The following ZFR2 variants were observed in gnomAD, a reference collection of about 807,000 sequenced individuals.
ZFR2 encodes the protein zinc finger RNA-binding protein 2.
In ZFR2, 104 loss-of-function variants were observed where a neutral mutation model predicts 105.7. The ratio of observed to expected loss-of-function variants is 0.98; its 90% CI spans 0.84 to 1.16. ZFR2 has a LOEUF of 1.16. ZFR2 is among the 50% of genes most tolerant of loss of function. The pLI is 0.00. For missense variants in ZFR2, 1,425 were observed against 1,355.5 expected (o/e 1.05, Z -0.80); for synonymous variants, 634 against 597.7 (o/e 1.06, Z -0.89).
At position 3,831,749 on chromosome 19, in the gene ZFR2, G is replaced by A. The variant is rs201894571; in HGVS notation, c.509C>T (p.Thr170Met). 8.1e-6 allele frequency: 13 copies of A among 1,607,392 alleles called. No homozygotes were observed. The highest frequency in any genetic ancestry group is 3.6e-4 in the Middle Eastern group (2 of 5,556). The change falls in exon 4 of 19, where the codon ACG becomes ATG. Residue 170 changes from threonine (T) to methionine (M), a missense_variant. Coordinates refer to ENST00000262961, the MANE Select transcript of ZFR2 (RefSeq NM_015174.2). ...CGACTCGGGCTGGACGCCTGTCGCC[G>A]TGGGGTAGGTGTATCCCGAGGACAA... ...STLSSGYTYP[T>M]ATGVQPESSA... is the part of the protein sequence containing the mutation.
At chr19:3,862,182 C>T (rs1855321322) in intron 1 of ZFR2, among the ~76,000 whole-genome samples, 1 of 151,904 alleles carries the variant, frequency 6.6e-6, no homozygotes, top group Admixed American at 6.6e-5. Context: ...GTTGGTAGAC[C>T]CACACAAGAG....
chr19:3,833,500 T>C (rs1599238386), intron 3 of ZFR2, 164 bp downstream of exon 3: 4 of 544,112 alleles, frequency 7.4e-6, no homozygotes, highest in East Asian at 3.2e-5. Flanking sequence ...GGCTTTAACC[T>C]GGGAGGCGAA....
Position 3,821,405 on chromosome 19 carries a change from C to G in ZFR2, c.1566G>C (p.Met522Ile). ...CCTCCGCCAGGTGCCGCTGCTTCCTCATGCGCTCCTCCAGGACCTTCCGAG... is the reference window on the plus strand; with the variant it reads ...CCTCCGCCAGGTGCCGCTGCTTCCTGATGCGCTCCTCCAGGACCTTCCGAG... ...SRARKVLEER[M>I]RKQRHLAEER... is the part of the protein sequence containing the mutation. Residue 522 changes from methionine to isoleucine, a missense_variant, in exon 10 of 19, where the codon ATG becomes ATC. Physicochemically the swap from Met to Ile is conservative, Grantham distance 10. Transcript: ENST00000262961. 1 of 1,611,952 alleles carries G rather than the reference C, an allele frequency of 6.2e-7. No individual in the cohort carries two copies. The highest frequency in any genetic ancestry group is 8.5e-7 in the Non-Finnish European group (1 of 1,179,444).
intron 1 of ZFR2, among the ~76,000 whole-genome samples, chr19:3,854,404 G>C (rs2038274953): frequency 6.6e-6 from 1 of 151,714 alleles, no homozygotes. Flanking sequence ...AAAAAGTCTT[G>C]TTCTTTCTAG....
intron 7 of ZFR2, among the ~76,000 whole-genome samples, chr19:3,824,290 ACT>A (rs1262662538): frequency 2.6e-5 from 4 of 152,036 alleles, no homozygotes; most frequent in African/African-American, 9.7e-5. Flanking sequence ...ACACAGTGAG[ACT>A]CTGTCTCAAA....
chr19:3,831,314 C>T lies in ZFR2; in HGVS notation c.841G>A (p.Ala281Thr), dbSNP rs369702962. 4 of 1,539,076 alleles carry T rather than the reference C, an allele frequency of 2.6e-6. No individual in the cohort carries two copies. Among genetic ancestry groups the T allele is most frequent in the South Asian group, 1.2e-5 (1 of 82,470 alleles). ...HYCDICKISC[A>T]GPQTYREHLG... ...GGAGGGCGACTGACCTGGGGGCCAGCGCAGCTGATCTTGCAGATGTCGCAG... is the reference window on the plus strand; with the variant it reads ...GGAGGGCGACTGACCTGGGGGCCAGTGCAGCTGATCTTGCAGATGTCGCAG... Residue 281 changes from alanine to threonine, a missense_variant, in exon 5 of 19, where the codon GCT becomes ACT. Coordinates refer to ENST00000262961, the MANE Select transcript of ZFR2 (RefSeq NM_015174.2).
At chr19:3,844,912 A>G (rs894998485) in intron 1 of ZFR2, among the ~76,000 whole-genome samples, 2 of 152,164 alleles carry the variant, frequency 1.3e-5, no homozygotes, top group Admixed American at 6.5e-5. Flanking sequence ...TGTGCTCTGC[A>G]GTTTCCAGGC....
At chr19:3,845,052 A>T (rs1434965476) in intron 1 of ZFR2, among the ~76,000 whole-genome samples, 2 of 152,156 alleles carry the variant, frequency 1.3e-5, no homozygotes, top group Non-Finnish European at 2.9e-5. Context: ...TCCTAGATCC[A>T]GGTGTCAGCA....
Position 3,812,952 on chromosome 19 carries a change from A to G in ZFR2, c.2242+868T>C, listed in dbSNP as rs189724268. On this transcript the variant is annotated intron_variant, in intron 14 of 18. Transcript: ENST00000262961. ...AAAAATTAACTGGGTATAGTGGCGCACACCTGTAGTCCCAGCTACTCGGAG... is the reference window on the plus strand; with the variant it reads ...AAAAATTAACTGGGTATAGTGGCGCGCACCTGTAGTCCCAGCTACTCGGAG... Among the ~76,000 whole-genome samples, 77 of 152,232 alleles carry G rather than the reference A, an allele frequency of 5.1e-4. 1 individual carries two copies. Among genetic ancestry groups the G allele is most frequent in the Non-Finnish European group, 2.9e-5 (2 of 68,006 alleles).
chr19:3,819,346 G>T, intron 11 of ZFR2, 111 bp from the exon 12 acceptor site: 1 of 1,164,670 alleles, frequency 8.6e-7, no homozygotes. Flanking sequence ...TTACGAGGCG[G>T]CAGCGTGGCC....
chr19:3,861,139 C>A (rs1012419145), intron 1 of ZFR2, among the ~76,000 whole-genome samples: 1 of 152,128 alleles, frequency 6.6e-6, no homozygotes, highest in Non-Finnish European at 1.5e-5. Flanking sequence ...CAGAGCCATG[C>A]CGCCTCTCCA....
At chr19:3,846,240 G>T (rs1412792664) in intron 1 of ZFR2, among the ~76,000 whole-genome samples, 1 of 152,252 alleles carries the variant, frequency 6.6e-6, no homozygotes, top group Non-Finnish European at 1.5e-5. Context: ...GCCTCCCACA[G>T]TGCTGGGATT....
chr19:3,854,004 A>C (rs908109014), intron 1 of ZFR2, among the ~76,000 whole-genome samples: 1 of 152,034 alleles, frequency 6.6e-6, no homozygotes, highest in South Asian at 2.1e-4. Context: ...GGATTGCTTA[A>C]GCCCTGGAGT....
chr19:3,855,700 G>C (rs994951592), intron 1 of ZFR2: 2 of 364,154 alleles, frequency 5.5e-6, no homozygotes, highest in African/African-American at 4.2e-5. Flanking sequence ...GGCGGGCCTG[G>C]TGGGTGAGGA....
At chr19:3,863,093 G>A (rs2038390697) in intron 1 of ZFR2, among the ~76,000 whole-genome samples, 1 of 152,236 alleles carries the variant, frequency 6.6e-6, no homozygotes, top group Admixed American at 6.5e-5. Flanking sequence ...CAAAGGACGG[G>A]GTTGGCCTTG....
intron 1 of ZFR2, chr19:3,852,523 T>C: frequency 1.4e-6 from 1 of 718,590 alleles, no homozygotes; most frequent in South Asian, 1.5e-5. Context: ...CACAGGGCAG[T>C]CACAGCGTCA....
chr19:3,807,325 G>A (rs867326904), intron 17 of ZFR2, 56 bp from the exon 18 acceptor site: 26 of 1,354,892 alleles, frequency 1.9e-5, no homozygotes, highest in African/African-American at 5.8e-5. Context: ...CGTGAAAGAC[G>A]GTGACAGGGC....
chr19:3,837,028 C>T (rs979469319), intron 1 of ZFR2, among the ~76,000 whole-genome samples: 3 of 152,226 alleles, frequency 2.0e-5, no homozygotes, highest in Non-Finnish European at 4.4e-5. Flanking sequence ...CACCTGGCCC[C>T]CAACCGGGCC....
rs370436496 is a variant in ZFR2 at position 3,863,044 on chromosome 19, G to A, written c.53+5921C>T. Among the ~76,000 whole-genome samples, 177 of 152,304 alleles carry A rather than the reference G, an allele frequency of 1.2e-3. 6 individuals are homozygous for A. The South Asian group carries it at 0.034, about 29-fold the overall frequency. On this transcript the variant is annotated intron_variant, in intron 1 of 18. Transcript: ENST00000262961. ...CCCTGGCCCCCAAGGTGGCGACATC[G>A]GACTCTCCAGGGCAGCCTGTGTTCC...
Sources: allele counts gnomAD v4.1 joint callset (sites outside exome capture counted in the v4.1 genomes callset), GRCh38; gene constraint gnomAD v4.1.1; transcripts MANE v1.5; gene names NCBI Gene and HGNC (gene_info 2026-07-23, HGNC 2026-07-21).